The following PLXDC2 variants were observed in gnomAD, a reference collection of about 807,000 sequenced individuals.
PLXDC2 encodes the protein plexin domain containing 2, also known as plexin domain-containing protein 2.
PLXDC2 carries 40 observed loss-of-function variants against 68.9 expected under a neutral mutation model. That is an observed-to-expected ratio of 0.58 (90% CI 0.45 to 0.76). The LOEUF (loss-of-function observed/expected upper bound fraction) is 0.76, where lower values mean the gene tolerates loss of function less well. Among genes scored for constraint, PLXDC2 ranks in the 30% least tolerant of loss-of-function variants. The pLI, the probability that PLXDC2 is intolerant of heterozygous loss-of-function variation, is 0.00. For synonymous variants in PLXDC2, 243 were observed against 234.2 expected (o/e 1.04, Z -0.34); for missense variants, 644 against 661.9 (o/e 0.97, Z 0.30).
chr10:20,089,215 T>TG (rs1430682413), intron 4 of PLXDC2, among the ~76,000 whole-genome samples: 1 of 145,902 alleles, frequency 6.9e-6, no homozygotes, highest in Non-Finnish European at 1.5e-5. Flanking sequence ...TGTGTGTGTG[T>TG]TTAAATACAA....
chr10:20,175,605 G>T (rs978608045), intron 7 of PLXDC2, among the ~76,000 whole-genome samples: 2 of 152,204 alleles, frequency 1.3e-5, no homozygotes, highest in Non-Finnish European at 2.9e-5. Context: ...AAAGCAGGGG[G>T]ATCACTTGAG....
chr10:19,932,959 C>T (rs1468982331), intron 1 of PLXDC2, among the ~76,000 whole-genome samples: 1 of 152,148 alleles, frequency 6.6e-6, no homozygotes, highest in Non-Finnish European at 1.5e-5. Context: ...GTCCTTTTAT[C>T]TAGGACACTC....
At position 20,110,327 on chromosome 10, in the gene PLXDC2, A is replaced by G. The variant is rs562373137; in HGVS notation, c.542-32968A>G. ...GGATAGATTAATTAGTGCTGGGTCA[A>G]GGAGGGCAGTGAATGACAGACAGTA... is the stretch of plus-strand genomic sequence containing the variant. On this transcript the variant is annotated intron_variant, in intron 4 of 13. Coordinates refer to ENST00000377252, the MANE Select transcript of PLXDC2 (RefSeq NM_032812.9). Among the ~76,000 whole-genome samples the G allele has an allele frequency of 4.6e-5, 7 of 152,292 alleles. No homozygotes were observed. In the East Asian group the frequency reaches 7.7e-4, roughly 17 times the overall value.
At chr10:20,071,058 A>G (rs111278861) in intron 4 of PLXDC2, 1 of 152,068 alleles carries the variant, frequency 6.6e-6, no homozygotes, top group Non-Finnish European at 1.5e-5. Flanking sequence ...TTGTTTCTCT[A>G]CTTAAAACAC....
At chr10:19,906,606 T>A (rs1219495634) in intron 1 of PLXDC2, among the ~76,000 whole-genome samples, 1 of 152,016 alleles carries the variant, frequency 6.6e-6, no homozygotes, top group Admixed American at 6.6e-5. Context: ...GGTCATGGAT[T>A]GGTTGGTTTG....
At position 19,944,282 on chromosome 10, in the gene PLXDC2, CT is replaced by C. The variant is rs895771758; in HGVS notation, c.113-57485del. Among the ~76,000 whole-genome samples, 195 of 151,630 alleles carry C rather than the reference CT, an allele frequency of 1.3e-3. 1 individual carries two copies. The highest frequency in any genetic ancestry group is 2.3e-3 in the Non-Finnish European group (156 of 67,910). On this transcript the variant is annotated intron_variant, in intron 1 of 13. Transcript: ENST00000377252. ...AAATAAGGTGCAGATTAAGAATCTG[CT>C]TTTTTTTCCCTCCAACTTCTGACAT... is the stretch of plus-strand genomic sequence containing the variant.
chr10:20,179,897 A>C (rs73605604), intron 9 of PLXDC2, among the ~76,000 whole-genome samples: 1,925 of 152,080 alleles, frequency 0.013, 46 homozygotes, highest in African/African-American at 0.045. Flanking sequence ...TTTGGAATCA[A>C]ACCTCCGTCT....
chr10:19,875,787 A>G (rs1837619132), intron 1 of PLXDC2, among the ~76,000 whole-genome samples: 1 of 152,192 alleles, frequency 6.6e-6, no homozygotes, highest in Non-Finnish European at 1.5e-5. Context: ...TCCTTTCAAA[A>G]TAAAATAAAA....
At chr10:19,857,535 T>G (rs1408727178) in intron 1 of PLXDC2, among the ~76,000 whole-genome samples, 1 of 152,250 alleles carries the variant, frequency 6.6e-6, no homozygotes, top group African/African-American at 2.4e-5. Flanking sequence ...AGAAAAGGTA[T>G]AGATGAACAA....
At chr10:20,088,900 A>G (rs1282673256) in intron 4 of PLXDC2, among the ~76,000 whole-genome samples, 2 of 152,186 alleles carry the variant, frequency 1.3e-5, no homozygotes, top group African/African-American at 4.8e-5. Flanking sequence ...TTAATACTGC[A>G]TATCATTTTT....
chr10:19,903,416 T>G (rs1838191158), intron 1 of PLXDC2, among the ~76,000 whole-genome samples: 1 of 151,936 alleles, frequency 6.6e-6, no homozygotes, highest in Non-Finnish European at 1.5e-5. Flanking sequence ...GGTTGTATAT[T>G]TCCAGGAATT....
rs148667220 is a variant in PLXDC2 at position 20,279,306 on chromosome 10, A to G, written c.1474-397A>G. On this transcript the variant is annotated intron_variant, in intron 13 of 13. Coordinates refer to ENST00000377252, the MANE Select transcript of PLXDC2 (RefSeq NM_032812.9). ...GTGAATTAATGAACAAAATGAAGTG[A>G]TATCAGTATTGACTTGTAGAGAAGA... 3.5e-3 allele frequency among the ~76,000 whole-genome samples: 532 copies of G among 152,330 alleles called. 5 individuals are homozygous for G. The highest frequency in any genetic ancestry group is 0.012 in the African/African-American group (514 of 41,580).
intron 6 of PLXDC2, among the ~76,000 whole-genome samples, chr10:20,162,162 GGA>G (rs1834308891): frequency 6.7e-6 from 1 of 150,206 alleles, no homozygotes; most frequent in African/African-American, 2.5e-5. Context: ...AAGGAAGGAA[GGA>G]AGAGAAAAGA....
chr10:20,248,425 G>C (rs374594479), intron 13 of PLXDC2, among the ~76,000 whole-genome samples: 11 of 152,292 alleles, frequency 7.2e-5, no homozygotes, highest in African/African-American at 2.2e-4. Flanking sequence ...ACTGAGTGAG[G>C]CTCAGAAGAG....
chr10:19,978,455 G>A (rs1052511433), intron 1 of PLXDC2, among the ~76,000 whole-genome samples: 1 of 151,932 alleles, frequency 6.6e-6, no homozygotes, highest in Non-Finnish European at 1.5e-5. Flanking sequence ...AAAGAGTGTT[G>A]TGTTAAAAAG....
intron 13 of PLXDC2, among the ~76,000 whole-genome samples, chr10:20,276,143 T>C (rs549575451): frequency 6.6e-6 from 1 of 152,158 alleles, no homozygotes; most frequent in African/African-American, 2.4e-5. Context: ...AGTGCCATTA[T>C]GTACCACAGG....
chr10:19,942,213 A>G (rs1343857622), intron 1 of PLXDC2, among the ~76,000 whole-genome samples: 1 of 151,904 alleles, frequency 6.6e-6, no homozygotes. Flanking sequence ...GATGCAGTTG[A>G]AAAGAAAAGA....
intron 2 of PLXDC2, among the ~76,000 whole-genome samples, chr10:20,045,342 T>C (rs898298091): frequency 6.6e-6 from 1 of 152,184 alleles, no homozygotes; most frequent in Non-Finnish European, 1.5e-5. Flanking sequence ...GGCTAATTTT[T>C]GTATTTTTAG....
At chr10:19,831,551 C>A (rs935780932) in intron 1 of PLXDC2, among the ~76,000 whole-genome samples, 6 of 151,894 alleles carry the variant, frequency 4.0e-5, no homozygotes. Context: ...AGCTTAGTAC[C>A]CAATAGTTAT....
Sources: allele counts gnomAD v4.1 joint callset (sites outside exome capture counted in the v4.1 genomes callset), GRCh38; gene constraint gnomAD v4.1.1; transcripts MANE v1.5; gene names NCBI Gene and HGNC (gene_info 2026-07-23, HGNC 2026-07-21).